The following RBFOX1 variants were observed in gnomAD, a reference collection of about 807,000 sequenced individuals.
RBFOX1 encodes RNA binding fox-1 homolog 1.
Under a neutral mutation model 57.7 loss-of-function variants are expected in RBFOX1, and 8 were observed. That is an observed-to-expected ratio of 0.14 (90% CI 0.08 to 0.25). RBFOX1 has a LOEUF of 0.25. RBFOX1 is among the 10% of genes least tolerant of loss of function. RBFOX1 has a pLI of 1.00. For synonymous variants in RBFOX1, 326 were observed against 222.4 expected (o/e 1.47, Z -4.15); for missense variants, 611 against 548.5 (o/e 1.11, Z -1.14).
intron 3 of RBFOX1, among the ~76,000 whole-genome samples, chr16:6,819,378 A>G (rs1030518379): frequency 5.3e-5 from 8 of 152,174 alleles, no homozygotes; most frequent in African/African-American, 1.7e-4. Context: ...ACATCCTTTA[A>G]CATGGCTGTA....
intron 3 of RBFOX1, among the ~76,000 whole-genome samples, chr16:5,737,901 G>A (rs371839670): frequency 6.6e-6 from 1 of 152,104 alleles, no homozygotes; most frequent in African/African-American, 2.4e-5. Context: ...CACATGTGCA[G>A]AACGTGCAGG....
intron 12 of RBFOX1, among the ~76,000 whole-genome samples, chr16:7,659,573 C>T (rs534617831): frequency 6.6e-6 from 1 of 152,124 alleles, no homozygotes; most frequent in African/African-American, 2.4e-5. Flanking sequence ...ACACTAACTA[C>T]AGCTGATGAG....
At chr16:7,205,757 A>C (rs1188609019) in intron 4 of RBFOX1, among the ~76,000 whole-genome samples, 1 of 152,194 alleles carries the variant, frequency 6.6e-6, no homozygotes, top group African/African-American at 2.4e-5. Flanking sequence ...GTCTTTGAAA[A>C]GGGCAAAAGT....
At chr16:6,630,413 A>C (rs1337279355) in intron 2 of RBFOX1, among the ~76,000 whole-genome samples, 1 of 152,192 alleles carries the variant, frequency 6.6e-6, no homozygotes, top group Non-Finnish European at 1.5e-5. Context: ...AGTGAAGTTG[A>C]TGATGGTAAG....
At chr16:7,434,030 G>A (rs2098703063) in intron 4 of RBFOX1, among the ~76,000 whole-genome samples, 1 of 152,160 alleles carries the variant, frequency 6.6e-6, no homozygotes, top group Non-Finnish European at 1.5e-5. Context: ...TGCTCTTGGA[G>A]GAGTCAAGCC....
intron 4 of RBFOX1, among the ~76,000 whole-genome samples, chr16:7,291,457 TA>T (rs779652342): frequency 6.6e-6 from 1 of 152,096 alleles, no homozygotes; most frequent in Non-Finnish European, 1.5e-5. Flanking sequence ...AAGACAGCCT[TA>T]ATAGTTGGGA....
At chr16:5,535,103 C>T (rs1422022339) in intron 2 of RBFOX1, among the ~76,000 whole-genome samples, 1 of 152,194 alleles carries the variant, frequency 6.6e-6, no homozygotes, top group Non-Finnish European at 1.5e-5. Context: ...TTGACCAATA[C>T]AGTAGCTGAT....
At position 6,181,329 on chromosome 16, in the gene RBFOX1, C is replaced by T. The variant is rs118155013; in HGVS notation, c.-126-135666C>T. Among the ~76,000 whole-genome samples, 88 of 152,330 alleles carry T rather than the reference C, an allele frequency of 5.8e-4. No individual in the cohort carries two copies. The East Asian group carries it at 0.012, about 21-fold the overall frequency. On this transcript the variant is annotated intron_variant, in intron 1 of 15. Transcript: ENST00000550418. ...TTGTGTTAACTAGGGATGAAGCCCT[C>T]ATCTAGAATACCAAAGAGTCCCACT... is the stretch of plus-strand genomic sequence containing the variant.
intron 3 of RBFOX1, among the ~76,000 whole-genome samples, chr16:7,045,555 C>A (rs2169854): frequency 0.81 from 123,513 of 152,206 alleles, 50,733 homozygotes; most frequent in East Asian, 0.94. Flanking sequence ...TCAGTAGGCC[C>A]CCTGGTTCCT....
intron 1 of RBFOX1, among the ~76,000 whole-genome samples, chr16:6,285,928 G>A (rs1341728576): frequency 3.9e-5 from 6 of 152,104 alleles, no homozygotes; most frequent in Non-Finnish European, 4.4e-5. Context: ...ATAAATTGAG[G>A]CTTCTTGTGT....
At chr16:6,095,453 C>G (rs2152541588) in intron 1 of RBFOX1, among the ~76,000 whole-genome samples, 1 of 152,280 alleles carries the variant, frequency 6.6e-6, no homozygotes, top group South Asian at 2.1e-4. Flanking sequence ...CCTTGCAGGT[C>G]AGACAGTCCC....
chr16:5,521,252 A>T (rs1002808384), intron 2 of RBFOX1, among the ~76,000 whole-genome samples: 1 of 147,214 alleles, frequency 6.8e-6, no homozygotes, highest in Non-Finnish European at 1.5e-5. Context: ...TTATCTTTCC[A>T]TCTGGCATGC....
chr16:6,008,278 G>A (rs1358988206), intron 4 of RBFOX1, among the ~76,000 whole-genome samples: 1 of 144,746 alleles, frequency 6.9e-6, no homozygotes, highest in African/African-American at 2.6e-5. Flanking sequence ...GAGCAGTTCA[G>A]AAGCAGGAAG....
intron 3 of RBFOX1, among the ~76,000 whole-genome samples, chr16:6,710,971 C>T (rs2063611981): frequency 6.6e-6 from 1 of 152,132 alleles, no homozygotes; most frequent in Non-Finnish European, 1.5e-5. Context: ...TGCAATTCCC[C>T]AAAGAAGCTC....
intron 1 of RBFOX1, among the ~76,000 whole-genome samples, chr16:6,235,402 A>G (rs2097498208): frequency 6.6e-6 from 1 of 152,102 alleles, no homozygotes. Flanking sequence ...GCCATGCCGC[A>G]TATCTACCCA....
chr16:5,392,525 A>G (rs1203356273), intron 1 of RBFOX1, among the ~76,000 whole-genome samples: 1 of 150,892 alleles, frequency 6.6e-6, no homozygotes, highest in East Asian at 1.9e-4. Context: ...ATATATATAT[A>G]TATATTTTTT....
At chr16:5,495,282 A>T (rs2042966328) in intron 2 of RBFOX1, among the ~76,000 whole-genome samples, 1 of 152,222 alleles carries the variant, frequency 6.6e-6, no homozygotes, top group Admixed American at 6.5e-5. Context: ...TTTGGATACC[A>T]GTCTTTCCTC....
At chr16:6,438,704 G>C (rs1412180552) in intron 2 of RBFOX1, among the ~76,000 whole-genome samples, 1 of 152,086 alleles carries the variant, frequency 6.6e-6, no homozygotes, top group Non-Finnish European at 1.5e-5. Flanking sequence ...CAGATGTTCG[G>C]GCTTTCCATA....
intron 3 of RBFOX1, among the ~76,000 whole-genome samples, chr16:5,805,644 T>A (rs753606259): frequency 6.6e-6 from 1 of 152,164 alleles, no homozygotes; most frequent in African/African-American, 2.4e-5. Context: ...GGAGAGCTGT[T>A]ACCACCCCTA....
Sources: gnomAD v4.1 joint callset for allele counts (sites outside exome capture counted in the v4.1 genomes callset) on GRCh38, gnomAD v4.1.1 for gene constraint, MANE v1.5 for transcripts, NCBI Gene and HGNC (gene_info 2026-07-23, HGNC 2026-07-21) for gene names.